KLHL1: variants seen among roughly 807,000 people sequenced by gnomAD.
KLHL1 encodes kelch like family member 1, also known as kelch-like protein 1.
KLHL1 carries 47 observed loss-of-function variants against 77.7 expected under a neutral mutation model. The ratio of observed to expected loss-of-function variants is 0.60; its 90% CI spans 0.48 to 0.77. The LOEUF (loss-of-function observed/expected upper bound fraction) is 0.77. Ranked by LOEUF, KLHL1 falls within the 30% of genes least tolerant of loss-of-function variation. The probability of loss-of-function intolerance (pLI) is 0.00; values close to 1 mark genes in which losing one functional copy is unlikely to be tolerated. For synonymous variants in KLHL1, 360 were observed against 325.2 expected, an observed-to-expected ratio of 1.11 and a Z score of -1.15; for missense variants, 925 against 910.8, an observed-to-expected ratio of 1.02 and a Z score of -0.20.
At chr13:70,016,564 G>A (rs964271706) in intron 1 of KLHL1, among the ~76,000 whole-genome samples, 3 of 152,206 alleles carry the variant, frequency 2.0e-5, no homozygotes, top group African/African-American at 7.2e-5. Flanking sequence ...TTGGGGCAGT[G>A]CTGGCATGCC....
At chr13:69,731,054 GAA>G (rs1218343819) in intron 8 of KLHL1, among the ~76,000 whole-genome samples, 1 of 151,768 alleles carries the variant, frequency 6.6e-6, no homozygotes, top group Non-Finnish European at 1.5e-5. Flanking sequence ...ATTTTCAAGA[GAA>G]AATGTGAATA....
At chr13:70,030,257 A>G (rs1223196517) in intron 1 of KLHL1, among the ~76,000 whole-genome samples, 1 of 152,192 alleles carries the variant, frequency 6.6e-6, no homozygotes, top group East Asian at 1.9e-4. Flanking sequence ...ATAGACATCT[A>G]CAGAACTCTC....
At chr13:69,909,015 A>C (rs900467474) in intron 4 of KLHL1, among the ~76,000 whole-genome samples, 3 of 149,732 alleles carry the variant, frequency 2.0e-5, no homozygotes, top group African/African-American at 7.3e-5. Context: ...ATATGGCTTC[A>C]TCTAAATTAA....
intron 1 of KLHL1, among the ~76,000 whole-genome samples, chr13:70,085,503 A>T (rs1887513510): frequency 6.6e-6 from 1 of 152,162 alleles, no homozygotes; most frequent in Admixed American, 6.5e-5. Context: ...TAAATGTTTA[A>T]TTTTTTTATA....
chr13:69,879,023 T>C lies in KLHL1; in HGVS notation c.1227+3260A>G, dbSNP rs529766816. On this transcript the variant is annotated intron_variant, in intron 5 of 10. Coordinates refer to ENST00000377844, the MANE Select transcript of KLHL1 (RefSeq NM_020866.3). Reference sequence around the variant, plus strand: ...AGGAGAAAAAATCAAACACCACATGTTCTCATTCATAGGTGGGAATTGAAC... The same window carrying C: ...AGGAGAAAAAATCAAACACCACATGCTCTCATTCATAGGTGGGAATTGAAC... Among the ~76,000 whole-genome samples the C allele has an allele frequency of 9.2e-5, 14 of 152,156 alleles. No homozygotes were observed. The East Asian group carries it at 2.7e-3, about 30-fold the overall frequency.
At chr13:70,057,495 G>T (rs1886771375) in intron 1 of KLHL1, among the ~76,000 whole-genome samples, 1 of 128,212 alleles carries the variant, frequency 7.8e-6, no homozygotes, top group Non-Finnish European at 1.7e-5. Context: ...AAAAAAAAGA[G>T]GCCGGGCGCG....
At chr13:69,952,516 G>A (rs534675198) in intron 3 of KLHL1, among the ~76,000 whole-genome samples, 2 of 151,412 alleles carry the variant, frequency 1.3e-5, no homozygotes, top group East Asian at 3.9e-4. Flanking sequence ...AGTGCCATTT[G>A]GCTAGGACAT....
chr13:69,996,909 AATTTTTTTTTTT>A (rs1885167790), intron 1 of KLHL1, among the ~76,000 whole-genome samples: 2 of 106,622 alleles, frequency 1.9e-5, no homozygotes, highest in Admixed American at 1.1e-4. Context: ...TTATTCATTA[AATTTTTTTTTTT>A]TTTTTTTTTT....
At chr13:69,988,570 C>T (rs1315333004) in intron 1 of KLHL1, among the ~76,000 whole-genome samples, 1 of 152,090 alleles carries the variant, frequency 6.6e-6, no homozygotes, top group Non-Finnish European at 1.5e-5. Context: ...AATTTACACT[C>T]TCCACCAGTA....
intron 5 of KLHL1, among the ~76,000 whole-genome samples, chr13:69,849,165 G>A (rs913969598): frequency 6.6e-6 from 1 of 151,246 alleles, no homozygotes; most frequent in Non-Finnish European, 1.5e-5. Flanking sequence ...AATAGGTCTC[G>A]AATAACATCA....
chr13:70,107,802 T>C lies in KLHL1; in HGVS notation c.-103A>G. On this transcript the variant is annotated 5_prime_UTR_variant, in exon 1 of 11. Transcript: ENST00000377844. ...CCCGGGGGCGGAGGAAGAGGCGGGA[T>C]GCGCCCTCTGCACCCCTAGAGCCAG... 4 of 836,836 alleles carry C rather than the reference T, an allele frequency of 4.8e-6. No individual in the cohort carries two copies. Among genetic ancestry groups the C allele is most frequent in the Non-Finnish European group, 7.2e-6 (4 of 555,736 alleles). 51.8% of individuals were successfully genotyped at this position (836,836 alleles called of 1,614,324 possible).
intron 1 of KLHL1, among the ~76,000 whole-genome samples, chr13:70,066,838 TATC>T (rs1464063014): frequency 6.6e-6 from 1 of 152,232 alleles, no homozygotes; most frequent in African/African-American, 2.4e-5. Context: ...GGCCAAATTT[TATC>T]ATAACAGAAT....
chr13:69,967,711 C>G (rs1884255616), intron 2 of KLHL1, among the ~76,000 whole-genome samples: 1 of 152,016 alleles, frequency 6.6e-6, no homozygotes, highest in East Asian at 1.9e-4. Flanking sequence ...ATGGCAAAAC[C>G]CCGTCTCTAC....
At chr13:69,915,195 C>T (rs1323808812) in intron 4 of KLHL1, among the ~76,000 whole-genome samples, 3 of 152,120 alleles carry the variant, frequency 2.0e-5, no homozygotes, top group African/African-American at 7.2e-5. Context: ...TCAATGCCAT[C>T]CCCATCAAGC....
intron 10 of KLHL1, among the ~76,000 whole-genome samples, chr13:69,703,875 G>A (rs952982024): frequency 1.3e-5 from 2 of 151,646 alleles, no homozygotes; most frequent in Non-Finnish European, 3.0e-5. Context: ...GTTGGTCTAA[G>A]TATACTTTGT....
chr13:69,982,937 G>A (rs1884754433), intron 1 of KLHL1, among the ~76,000 whole-genome samples: 1 of 152,066 alleles, frequency 6.6e-6, no homozygotes, highest in African/African-American at 2.4e-5. Context: ...GTTTGCAGAT[G>A]ATATGATTTT....
intron 7 of KLHL1, among the ~76,000 whole-genome samples, chr13:69,751,132 G>A (rs1008061800): frequency 3.3e-5 from 5 of 151,656 alleles, no homozygotes; most frequent in Non-Finnish European, 5.9e-5. Flanking sequence ...GTGTGTGTGT[G>A]TGTGTGTGTG....
rs147322205 is a variant in KLHL1 at position 70,107,612 on chromosome 13, C to T, written c.88G>A (p.Gly30Ser). 5.6e-5 allele frequency: 89 copies of T among 1,589,248 alleles called. No individual in the cohort carries two copies. Among genetic ancestry groups the T allele is most frequent in the Non-Finnish European group, 7.3e-5 (85 of 1,168,740 alleles). The change falls in exon 1 of 11, where the codon GGC (glycine) becomes AGC (serine). Residue 30 changes from glycine (G) to serine (S), a missense_variant. Transcript: ENST00000377844. ...AGGCAGCCTCCCCCCGCCGGGCCGC[C>T]GGTGGAAGGAGACGGGTGGCTGAAG... ...KLFSHPSPSTGGPAGGGCLQQ... is the reference protein window; with the variant it reads ...KLFSHPSPSTSGPAGGGCLQQ...
chr13:70,087,178 G>A (rs560727807), intron 1 of KLHL1, among the ~76,000 whole-genome samples: 1 of 152,218 alleles, frequency 6.6e-6, no homozygotes, highest in African/African-American at 2.4e-5. Context: ...AGCTCTTAGT[G>A]GAATAGGAAA....
Sources: gnomAD v4.1 joint callset for allele counts (sites outside exome capture counted in the v4.1 genomes callset) on GRCh38, gnomAD v4.1.1 for gene constraint, MANE v1.5 for transcripts, NCBI Gene and HGNC (gene_info 2026-07-23, HGNC 2026-07-21) for gene names.